CNTLN: variants seen among roughly 807,000 people sequenced by gnomAD.
CNTLN encodes the protein centlein.
In CNTLN, 212 loss-of-function variants were observed where a neutral mutation model predicts 180.0. That is an observed-to-expected ratio of 1.18 (90% confidence interval 1.05 to 1.32). The LOEUF is 1.32. Among genes scored for constraint, CNTLN ranks in the 40% most tolerant of loss-of-function variants. CNTLN has a pLI of 0.00. For missense variants in CNTLN, 2,095 were observed against 1,610.9 expected, an observed-to-expected ratio of 1.30 and a Z score of -5.14; for synonymous variants, 722 against 563.1, an observed-to-expected ratio of 1.28 and a Z score of -3.99.
chr9:17,318,080 T>C (rs528070329), intron 8 of CNTLN, among the ~76,000 whole-genome samples: 1 of 150,984 alleles, frequency 6.6e-6, no homozygotes, highest in East Asian at 1.9e-4. Flanking sequence ...CAGGCTGGAG[T>C]CCAGTGGCAT....
chr9:17,477,774 C>G (rs551343578), intron 23 of CNTLN, among the ~76,000 whole-genome samples: 1 of 152,334 alleles, frequency 6.6e-6, no homozygotes, highest in South Asian at 2.1e-4. Flanking sequence ...GGTGAAAACG[C>G]TGTGAACATT....
At chr9:17,435,938 C>T (rs1829748412) in intron 18 of CNTLN, among the ~76,000 whole-genome samples, 1 of 152,140 alleles carries the variant, frequency 6.6e-6, no homozygotes, top group African/African-American at 2.4e-5. Flanking sequence ...CTCGTCCACC[C>T]AGCTGGTATT....
chr9:17,455,875 C>G (rs72707693), intron 18 of CNTLN, among the ~76,000 whole-genome samples: 1 of 151,756 alleles, frequency 6.6e-6, no homozygotes, highest in Non-Finnish European at 1.5e-5. Context: ...CAAATTGAAG[C>G]CTAATCTTAG....
At position 17,245,778 on chromosome 9, in the gene CNTLN, G is replaced by A. The variant is rs574943484; in HGVS notation, c.849+9190G>A. On this transcript the variant is annotated intron_variant, in intron 5 of 25. Transcript: ENST00000380647. ...CTAACTGTGTATTTTCAAACAACCC[G>A]TCTTCAATCTAACTAGTTCTTCTGC... is the stretch of plus-strand genomic sequence containing the variant. Among the ~76,000 whole-genome samples the A allele has an allele frequency of 1.3e-4, 20 of 151,608 alleles. 1 individual carries two copies. In the East Asian group the frequency reaches 2.0e-3, roughly 15 times the overall value.
At chr9:17,231,441 GT>G (rs1436987601) in intron 3 of CNTLN, among the ~76,000 whole-genome samples, 2 of 151,900 alleles carry the variant, frequency 1.3e-5, no homozygotes, top group Non-Finnish European at 2.9e-5. Flanking sequence ...GTAAGACTAT[GT>G]TTTAGCTTTG....
intron 12 of CNTLN, among the ~76,000 whole-genome samples, chr9:17,352,210 G>A (rs1006991951): frequency 2.0e-5 from 3 of 151,652 alleles, no homozygotes; most frequent in East Asian, 1.9e-4. Flanking sequence ...GGCATAGCTC[G>A]GATTGGAGTA....
In CNTLN at chr9:17,135,089, A is replaced by G. The variant is rs1029685753; in HGVS notation, c.24A>G (p.Ser8=). The change falls in exon 1 of 26, where the codon TCA becomes TCG. Residue 8 remains serine (S), a synonymous_variant. Transcript: ENST00000380647. ...CCATGGCGGCGCGTTCGCCTCCCTC[A>G]CCGCACCCTTCGCCCCCAGCGCGAC... The part of the protein sequence containing the change: MAARSPP[S]PHPSPPARQL... 2 of 1,603,182 alleles carry G rather than the reference A, an allele frequency of 1.2e-6. No homozygotes were observed. Among genetic ancestry groups the G allele is most frequent in the Non-Finnish European group, 1.7e-6 (2 of 1,177,512 alleles).
At chr9:17,321,098 AG>A (rs1401661809) in intron 8 of CNTLN, among the ~76,000 whole-genome samples, 1 of 151,998 alleles carries the variant, frequency 6.6e-6, no homozygotes, top group Non-Finnish European at 1.5e-5. Context: ...ACTTTTATGT[AG>A]TTTTCTTTTG....
intron 2 of CNTLN, among the ~76,000 whole-genome samples, chr9:17,154,874 T>C (rs1819155635): frequency 6.6e-6 from 1 of 152,220 alleles, no homozygotes; most frequent in South Asian, 2.1e-4. Flanking sequence ...CAGGTCCCTT[T>C]CCATACTGTG....
intron 12 of CNTLN, among the ~76,000 whole-genome samples, chr9:17,360,675 C>T (rs1823303041): frequency 6.6e-6 from 1 of 152,158 alleles, no homozygotes; most frequent in South Asian, 2.1e-4. Flanking sequence ...TAAGCAGAAC[C>T]TCTTTGTCAG....
chr9:17,426,086 G>A (rs1401949778), intron 18 of CNTLN, among the ~76,000 whole-genome samples: 10 of 152,170 alleles, frequency 6.6e-5, no homozygotes, highest in Non-Finnish European at 8.8e-5. Context: ...GCAGAAATCA[G>A]GAACAGAGAT....
rs1831631851 is a variant in CNTLN at position 17,464,494 on chromosome 9, A to C, written c.3405-3A>C. ...TCTTGATGTCACCTTTTTTTTTTTC[A>C]AGGATATCTCGAATGGAGAGGGATA... On this transcript the variant is annotated splice_polypyrimidine_tract_variant and splice_region_variant and intron_variant, in intron 20 of 25. Transcript: ENST00000380647. 6.6e-7 allele frequency: 1 copy of C among 1,525,728 alleles called. No homozygotes were observed. The allele number at this position is 1,525,728 out of a possible 1,614,324, so 94.5% of individuals were successfully genotyped here. A position where few individuals can be genotyped will look rare whatever the true frequency, so the allele number is the denominator to read the frequency against.
At chr9:17,252,026 C>A (rs1235649399) in intron 5 of CNTLN, among the ~76,000 whole-genome samples, 6 of 151,746 alleles carry the variant, frequency 4.0e-5, no homozygotes, top group African/African-American at 1.5e-4. Flanking sequence ...ATTGTAATGA[C>A]CTTCAGTTCC....
intron 19 of CNTLN, among the ~76,000 whole-genome samples, chr9:17,460,973 A>G (rs1361140498): frequency 6.6e-6 from 1 of 151,602 alleles, no homozygotes; most frequent in Non-Finnish European, 1.5e-5. Context: ...AAAAAATTAC[A>G]AACAAAAGAT....
At chr9:17,452,776 A>G (rs530023763) in intron 18 of CNTLN, among the ~76,000 whole-genome samples, 8 of 152,264 alleles carry the variant, frequency 5.3e-5, no homozygotes, top group South Asian at 2.1e-4. Context: ...GGGCCACGAA[A>G]AAAAGCAGTT....
At chr9:17,295,280 G>T (rs990181802) in intron 6 of CNTLN, among the ~76,000 whole-genome samples, 1 of 152,192 alleles carries the variant, frequency 6.6e-6, no homozygotes, top group Admixed American at 6.5e-5. Context: ...GACTCCCAAG[G>T]TGCAGCGGCG....
At chr9:17,363,767 A>G (rs1275145425) in intron 12 of CNTLN, among the ~76,000 whole-genome samples, 1 of 152,050 alleles carries the variant, frequency 6.6e-6, no homozygotes, top group Non-Finnish European at 1.5e-5. Context: ...TTTAGATAAT[A>G]AATGTTTATT....
chr9:17,147,572 A>T (rs570453828), intron 2 of CNTLN, among the ~76,000 whole-genome samples: 3 of 151,992 alleles, frequency 2.0e-5, no homozygotes, highest in Non-Finnish European at 4.4e-5. Context: ...CTATGAGTCT[A>T]TGCTTCTGTT....
chr9:17,228,841 GGA>G (rs1824639654), intron 3 of CNTLN, among the ~76,000 whole-genome samples: 4 of 149,088 alleles, frequency 2.7e-5, no homozygotes, highest in African/African-American at 1.0e-4. Context: ...AGAGAAACCA[GGA>G]GAACAGTGGC....
Sources: gnomAD v4.1 joint callset for allele counts (sites outside exome capture counted in the v4.1 genomes callset) on GRCh38, gnomAD v4.1.1 for gene constraint, MANE v1.5 for transcripts, NCBI Gene and HGNC (gene_info 2026-07-23, HGNC 2026-07-21) for gene names.